The following ABCG2 variants were observed in gnomAD, a reference collection of about 807,000 sequenced individuals.
The protein encoded by ABCG2 is ATP binding cassette subfamily G member 2 (JR blood group).
ABCG2 carries 80 observed loss-of-function variants against 73.5 expected under a neutral mutation model. The observed-to-expected ratio is 1.09, with a 90% confidence interval of 0.91 to 1.31. ABCG2 has a LOEUF of 1.31. Among genes scored for constraint, ABCG2 ranks in the 50% most tolerant of loss-of-function variants. The pLI is 0.00. For missense variants in ABCG2, 796 were observed against 786.2 expected (o/e 1.01, Z -0.15); for synonymous variants, 269 against 282.4 (o/e 0.95, Z 0.48).
In ABCG2 at chr4:88,134,499, T is replaced by A. The variant is rs926409811; in HGVS notation, c.204-1864A>T. 2.0e-5 allele frequency among the ~76,000 whole-genome samples: 3 copies of A among 152,220 alleles called. No individual in the cohort carries two copies. In the East Asian group the frequency reaches 5.8e-4, roughly 29 times the overall value. On this transcript the variant is annotated intron_variant, in intron 2 of 15. Transcript: ENST00000237612. ...ATGTGTAAAACAACATACTAATGAT[T>A]GGGCAAATTTTCAAGGTGCATTTAT...
intron 1 of ABCG2, among the ~76,000 whole-genome samples, chr4:88,204,105 GACCTAACACACCTC>G (rs34910429): frequency 0.078 from 11,843 of 152,040 alleles, 663 homozygotes; most frequent in East Asian, 0.32. Context: ...GCTTTGCAAA[GACCTAACACACCTC>G]AGCTGTAAAG....
intron 1 of ABCG2, among the ~76,000 whole-genome samples, chr4:88,223,428 G>A (rs1730083265): frequency 6.6e-6 from 1 of 152,130 alleles, no homozygotes; most frequent in Non-Finnish European, 1.5e-5. Flanking sequence ...CTGTTCTCGT[G>A]ACAGTGAGTT....
chr4:88,157,658 A>C (rs1228765605), intron 1 of ABCG2, among the ~76,000 whole-genome samples: 1 of 152,200 alleles, frequency 6.6e-6, no homozygotes, highest in African/African-American at 2.4e-5. Flanking sequence ...TTGTCGTTGA[A>C]ACCTTTCTCA....
intron 12 of ABCG2, 70 bp from the exon 13 acceptor site, chr4:88,097,677 T>C: frequency 6.0e-6 from 9 of 1,503,850 alleles, no homozygotes; most frequent in Non-Finnish European, 8.1e-6. Flanking sequence ...TTGCTTATTG[T>C]GCAAATTTAA....
intron 1 of ABCG2, among the ~76,000 whole-genome samples, chr4:88,222,306 T>A (rs955270778): frequency 5.9e-5 from 9 of 152,204 alleles, no homozygotes; most frequent in Non-Finnish European, 1.3e-4. Flanking sequence ...GACAGAGCCT[T>A]CATGGAGAAC....
rs541499307 is a variant in ABCG2 at position 88,117,197 on chromosome 4, G to A, written c.841+912C>T. Among the ~76,000 whole-genome samples the A allele has an allele frequency of 2.0e-5, 3 of 152,162 alleles. No individual in the cohort carries two copies. In the South Asian group the frequency reaches 6.2e-4, roughly 32 times the overall value. ...AAATTAGATAGCCATGGTGGCATGT[G>A]TCTATAGTCCCAGCTGCTTGGGTGA... On this transcript the variant is annotated intron_variant, in intron 7 of 15. Coordinates refer to ENST00000237612, the MANE Select transcript of ABCG2 (RefSeq NM_004827.3).
In ABCG2 at chr4:88,123,313, T is replaced by C. The variant is rs190208173; in HGVS notation, c.532-1521A>G. Among the ~76,000 whole-genome samples the C allele has an allele frequency of 1.3e-4, 20 of 152,212 alleles. No individual in the cohort carries two copies. In the East Asian group the frequency reaches 3.5e-3, roughly 27 times the overall value. ...GAACAAAACTGGATGGAGAATGAGT[T>C]TGATGAATAGACAGAAGTAGGCTTC... is the stretch of plus-strand genomic sequence containing the variant. On this transcript the variant is annotated intron_variant, in intron 5 of 15. Transcript: ENST00000237612.
intron 1 of ABCG2, among the ~76,000 whole-genome samples, chr4:88,204,759 C>G (rs1458560438): frequency 6.6e-6 from 1 of 152,158 alleles, no homozygotes; most frequent in Non-Finnish European, 1.5e-5. Flanking sequence ...AATAAGAAGA[C>G]TGGTTGCTTT....
intron 1 of ABCG2, among the ~76,000 whole-genome samples, chr4:88,154,725 G>C (rs184875660): frequency 6.6e-6 from 1 of 152,154 alleles, no homozygotes; most frequent in African/African-American, 2.4e-5. Flanking sequence ...TCTGGGCCAG[G>C]AACAATGGTA....
At chr4:88,146,541 C>T (rs957558894) in intron 1 of ABCG2, among the ~76,000 whole-genome samples, 2 of 151,914 alleles carry the variant, frequency 1.3e-5, no homozygotes, top group Non-Finnish European at 2.9e-5. Flanking sequence ...ACTACAGGCG[C>T]CCACCACCAC....
Position 88,131,086 on chromosome 4 carries a change from C to A in ABCG2, c.506G>T (p.Gly169Val), listed in dbSNP as rs1403144624. 1 of 1,614,062 alleles carries A rather than the reference C, an allele frequency of 6.2e-7. No individual in the cohort carries two copies. Among genetic ancestry groups the A allele is most frequent in the Admixed American group, 1.7e-5 (1 of 60,016 alleles). The change falls in exon 5 of 16, where the codon GGT becomes GTT. Residue 169 changes from glycine to valine, a missense_variant. Gly to Val is a moderately radical substitution (Grantham distance 109, BLOSUM62 -3). Transcript: ENST00000237612. ...CTTGGAGTCTGCCACTTTATCCAGACCTAACTCTTGAATGACCCTGTTAAT... is the reference window on the plus strand; with the variant it reads ...CTTGGAGTCTGCCACTTTATCCAGAACTAACTCTTGAATGACCCTGTTAAT... Reference protein sequence around the residue: ...ERINRVIQELGLDKVADSKVG... With the variant: ...ERINRVIQELVLDKVADSKVG...
chr4:88,100,877 A>T (rs1722360095), intron 11 of ABCG2, among the ~76,000 whole-genome samples: 1 of 152,066 alleles, frequency 6.6e-6, no homozygotes, highest in African/African-American at 2.4e-5. Flanking sequence ...AAAACAAAAT[A>T]TACTTTTCAG....
chr4:88,134,386 G>A lies in ABCG2; in HGVS notation c.204-1751C>T, dbSNP rs369639362. Among the ~76,000 whole-genome samples, 66 of 152,258 alleles carry A rather than the reference G, an allele frequency of 4.3e-4. 2 individuals carry two copies. The South Asian group carries it at 0.012, about 28-fold the overall frequency. On this transcript the variant is annotated intron_variant, in intron 2 of 15. Coordinates refer to ENST00000237612, the MANE Select transcript of ABCG2 (RefSeq NM_004827.3). ...TAACTGGGGTATCTCTCAGTGAAAC[G>A]CTGCACAAAGACAATGGGAGTTAGG... is the stretch of plus-strand genomic sequence containing the variant.
intron 5 of ABCG2, among the ~76,000 whole-genome samples, chr4:88,122,310 G>A (rs45557042): frequency 0.055 from 8,288 of 149,956 alleles, 396 homozygotes; most frequent in Admixed American, 0.13. Context: ...ATGCCAGCGC[G>A]ACAAAACTGT....
At chr4:88,104,935 G>A (rs144062279) in intron 10 of ABCG2, among the ~76,000 whole-genome samples, 79 of 152,278 alleles carry the variant, frequency 5.2e-4, no homozygotes, top group African/African-American at 1.9e-3. Flanking sequence ...TTCCAGTTGA[G>A]GACCAGGTTA....
upstream of ABCG2, chr4:88,159,233 C>G (rs1160716459): frequency 2.2e-6 from 1 of 455,768 alleles, no homozygotes; most frequent in African/African-American, 2.0e-5. Context: ...GTTTGGTCGC[C>G]GTCACTGGCC....
rs1330286500 is a variant in ABCG2, at chr4:88,131,825, C to T, written c.356G>A (p.Cys119Tyr). The T allele has an allele frequency of 6.2e-7, 1 of 1,613,554 alleles. No individual in the cohort carries two copies. The highest frequency in any genetic ancestry group is 1.7e-5 in the Admixed American group (1 of 60,012). Residue 119 changes from cysteine to tyrosine, a missense_variant, in exon 4 of 16, where the codon TGT becomes TAT. Physicochemically the swap from Cys to Tyr is radical, Grantham distance 194. Transcript: ENST00000237612. The stretch of plus-strand genomic sequence containing the variant: ...TACTTGTACCACGTAACCTGAATTA[C>T]ATTTGAAATTGGCAGGTCGCGGTGC... Reference protein sequence around the residue: ...NGAPRPANFKCNSGYVVQDDV... With the variant: ...NGAPRPANFKYNSGYVVQDDV...
In ABCG2 at chr4:88,131,809, C is replaced by G. The variant is rs763003021; in HGVS notation, c.372G>C (p.Val124=). Residue 124 remains valine, a synonymous_variant, in exon 4 of 16, where the codon GTG becomes GTC. Transcript: ENST00000237612. ...CAAACCCACTAATACTTACTTGTAC[C>G]ACGTAACCTGAATTACATTTGAAAT... ...PANFKCNSGY[V]VQDDVVMGTL... 2.5e-6 allele frequency: 4 copies of G among 1,612,386 alleles called. No homozygotes were observed. The South Asian group carries it at 4.4e-5, about 18-fold the overall frequency.
In ABCG2 at chr4:88,198,962, G is replaced by GTA. The variant is rs559613101; in HGVS notation, c.-20+32030_-20+32031dup. Among the ~76,000 whole-genome samples the GTA allele has an allele frequency of 9.0e-4, 135 of 150,776 alleles. 1 individual carries two copies. The highest frequency in any genetic ancestry group is 1.5e-3 in the Non-Finnish European group (101 of 67,644). ...TGTATATGTATATATATGTGTGTGT[G>GTA]TATATATATATATATTTTATTTTTG... On this transcript the variant is annotated intron_variant, in intron 1 of 15. Transcript: ENST00000515655.
Sources: allele counts gnomAD v4.1 joint callset (sites outside exome capture counted in the v4.1 genomes callset), GRCh38; gene constraint gnomAD v4.1.1; transcripts MANE v1.5; gene names NCBI Gene and HGNC (gene_info 2026-07-23, HGNC 2026-07-21).